Variants in IFT140 observed in about 807,000 individuals in gnomAD.
The protein encoded by IFT140 is intraflagellar transport 140.
A neutral mutation model predicts 164.6 loss-of-function variants in IFT140; 133 were observed. The ratio of observed to expected loss-of-function variants is 0.81; its 90% CI spans 0.70 to 0.93. The LOEUF (loss-of-function observed/expected upper bound fraction) is 0.93. IFT140 is among the 40% of genes least tolerant of loss of function. IFT140 has a pLI of 0.00. For missense variants in IFT140, 2,045 were observed against 1,972.3 expected (o/e 1.04, Z -0.70); for synonymous variants, 860 against 817.3 (o/e 1.05, Z -0.89).
intron 18 of IFT140, among the ~76,000 whole-genome samples, chr16:1,561,303 C>T (rs1332534828): frequency 6.6e-6 from 1 of 152,230 alleles, no homozygotes; most frequent in Non-Finnish European, 1.5e-5. Context: ...ATGACTGTTT[C>T]AGGTCCAAAA....
chr16:1,551,119 G>A lies in IFT140; in HGVS notation c.2399+6816C>T, dbSNP rs565904603. On this transcript the variant is annotated intron_variant, in intron 19 of 30. Coordinates refer to ENST00000426508, the MANE Select transcript of IFT140 (RefSeq NM_014714.4). This position sits in a 1 kb window ranked among gnomAD's most constrained non-coding sequence, Gnocchi z 4.0. ...CACACTGCATTCTGTTCTGTTTCAC[G>A]TCTACTTTGGTCTCCTCAAACGATT... 3.5e-4 allele frequency among the ~76,000 whole-genome samples: 54 copies of A among 152,326 alleles called. No individual in the cohort carries two copies. Among genetic ancestry groups the A allele is most frequent in the Non-Finnish European group, 6.3e-4 (43 of 68,030 alleles).
In IFT140 at chr16:1,520,274, T is replaced by A. The variant is rs754378130; in HGVS notation, c.3730A>T (p.Lys1244Ter). 1 of 1,614,244 alleles carries A rather than the reference T, an allele frequency of 6.2e-7. No homozygotes were observed. The highest frequency in any genetic ancestry group is 1.3e-5 in the African/African-American group (1 of 75,068). ...ITFFASVSRQ[K>*]EIYIMAANYL... ...TTAGCAGCCATGATGTAGATTTCCT[T>A]CTGCCTGGACACGCTCGCGAAGAAC... Residue 1244 changes from lysine to a stop codon, truncating the protein, a stop_gained, in exon 28 of 31, where the codon AAG (lysine) becomes TAG (stop). Transcript: ENST00000426508. LOFTEE classifies it high-confidence loss of function.
chr16:1,599,263 A>G (rs2035634656), intron 4 of IFT140, among the ~76,000 whole-genome samples: 1 of 78,388 alleles, frequency 1.3e-5, no homozygotes, highest in African/African-American at 7.9e-5. Context: ...CCCAGCAGCC[A>G]CCCCATCTGG....
intron 19 of IFT140, among the ~76,000 whole-genome samples, chr16:1,548,510 G>A (rs1042023337): frequency 4.6e-5 from 7 of 152,238 alleles, no homozygotes; most frequent in Admixed American, 4.6e-4. Flanking sequence ...TGATTCCATG[G>A]GCAGAATTTC....
chr16:1,610,415 A>T (rs949766059), intron 2 of IFT140: 2 of 153,366 alleles, frequency 1.3e-5, no homozygotes, highest in African/African-American at 4.9e-5. Context: ...TCTCCCAGCT[A>T]CCGGAATCAG....
intron 26 of IFT140, among the ~76,000 whole-genome samples, chr16:1,521,445 G>C (rs1163822830): frequency 6.6e-6 from 1 of 152,038 alleles, no homozygotes; most frequent in Non-Finnish European, 1.5e-5. Flanking sequence ...CTGGAGTGCA[G>C]TGGCACAATC....
Position 1,523,564 on chromosome 16 carries a change from T to A in IFT140, c.3407A>T (p.His1136Leu). The A allele has an allele frequency of 6.2e-7, 1 of 1,613,580 alleles. No homozygotes were observed. The highest frequency in any genetic ancestry group is 8.5e-7 in the Non-Finnish European group (1 of 1,179,956). Residue 1136 changes from histidine (H) to leucine (L), a missense_variant, in exon 26 of 31, where the codon CAC becomes CTC. His to Leu is a moderately conservative substitution (Grantham distance 99). Transcript: ENST00000426508. Reference sequence around the variant, plus strand: ...CTCTACCGCCCTCTCGTACTGACTGTGCTCGATGAAGAAGTCGGAGCAGCG... The same window carrying A: ...CTCTACCGCCCTCTCGTACTGACTGAGCTCGATGAAGAAGTCGGAGCAGCG... ...LARCSDFFIE[H>L]SQYERAVELL...
At chr16:1,584,168 G>A (rs1198356292) in intron 11 of IFT140, 49 bp downstream of exon 11, 1 of 1,545,108 alleles carries the variant, frequency 6.5e-7, no homozygotes, top group Admixed American at 1.8e-5. Context: ...CCTGGCCATG[G>A]GGCAGTTCTT....
At chr16:1,512,630 A>T (rs1354083802) in intron 30 of IFT140, among the ~76,000 whole-genome samples, 2 of 152,142 alleles carry the variant, frequency 1.3e-5, no homozygotes, top group African/African-American at 4.8e-5. Flanking sequence ...TTATACGGAA[A>T]ACTATAGTTC....
intron 19 of IFT140, among the ~76,000 whole-genome samples, chr16:1,550,367 G>A (rs1173658878): frequency 1.3e-5 from 2 of 152,184 alleles, no homozygotes; most frequent in East Asian, 1.9e-4. Context: ...TAGAATGGTC[G>A]ACCCATTCTA....
intron 19 of IFT140, among the ~76,000 whole-genome samples, chr16:1,536,392 C>A (rs914718547): frequency 1.1e-4 from 17 of 152,320 alleles, no homozygotes; most frequent in African/African-American, 3.1e-4. Context: ...CTGCCTCCTG[C>A]TCACCTGCCT....
In IFT140 at chr16:1,580,781, C is replaced by T. The variant is rs770643403; in HGVS notation, c.1502G>A (p.Arg501Gln). Reference sequence around the variant, plus strand: ...TACCTGCCAGGTTCGAACTTGAACTCGGTTTGACTCCACCGTGTAAACGTT... The same window carrying T: ...TACCTGCCAGGTTCGAACTTGAACTTGGTTTGACTCCACCGTGTAAACGTT... ...EENVYTVESN[R>Q]VQVRTWQGTV... Residue 501 changes from arginine (R) to glutamine (Q), a missense_variant, in exon 13 of 31, where the codon CGA becomes CAA. Arg to Gln is a conservative substitution (Grantham distance 43). Coordinates refer to ENST00000426508, the MANE Select transcript of IFT140 (RefSeq NM_014714.4). 24 of 1,613,716 alleles carry T rather than the reference C, an allele frequency of 1.5e-5. No individual in the cohort carries two copies. The highest frequency in any genetic ancestry group is 2.2e-5 in the East Asian group (1 of 44,884).
At chr16:1,514,929 A>T (rs1210996357) in intron 30 of IFT140, among the ~76,000 whole-genome samples, 1 of 152,190 alleles carries the variant, frequency 6.6e-6, no homozygotes, top group African/African-American at 2.4e-5. Flanking sequence ...TAAATAATAA[A>T]AAGAACTAAG....
rs762973022 is a variant in IFT140 at position 1,558,113 on chromosome 16, C to T, written c.2221G>A (p.Asp741Asn). Residue 741 changes from aspartate (D) to asparagine (N), a missense_variant, in exon 19 of 31, where the codon GAC (aspartate) becomes AAC (asparagine). Physicochemically the swap from Asp to Asn is conservative, Grantham distance 23 (BLOSUM62 1). Coordinates refer to ENST00000426508, the MANE Select transcript of IFT140 (RefSeq NM_014714.4). ...TGGTGGCACCCAGGCTCCACCTCGTCTTCTCTGTCTGCTTCTTCGGGCTAA... is the reference window on the plus strand; with the variant it reads ...TGGTGGCACCCAGGCTCCACCTCGTTTTCTCTGTCTGCTTCTTCGGGCTAA... Reference protein sequence around the residue: ...TRKPEEADREDEVEPGCHHIP... With the variant: ...TRKPEEADRENEVEPGCHHIP... 23 of 1,614,066 alleles carry T rather than the reference C, an allele frequency of 1.4e-5. No homozygotes were observed. The highest frequency in any genetic ancestry group is 1.9e-5 in the Non-Finnish European group (22 of 1,180,034).
intron 19 of IFT140, chr16:1,542,218 C>A: frequency 1.1e-6 from 1 of 899,696 alleles, no homozygotes; most frequent in Non-Finnish European, 1.6e-6. Flanking sequence ...ACTGAGAAGC[C>A]CCATGGGGCA....
intron 10 of IFT140, among the ~76,000 whole-genome samples, chr16:1,585,557 C>T (rs939251867): frequency 6.6e-6 from 1 of 152,062 alleles, no homozygotes; most frequent in African/African-American, 2.4e-5. Flanking sequence ...CTCAGTAAAG[C>T]TCTTTTTCAT....
rs869165237 is a variant in IFT140, at chr16:1,516,139, CAAAAAAAAAAAAAAAAAAAAA to C, written c.4182+2056_4182+2076del. Among the ~76,000 whole-genome samples, 112 of 46,022 alleles carry C rather than the reference CAAAAAAAAAAAAAAAAAAAAA, an allele frequency of 2.4e-3. 1 individual carries two copies. The highest frequency in any genetic ancestry group is 0.016 in the Middle Eastern group (1 of 64). The allele number at this position is 46,022 out of a possible 152,430, so 30.2% of individuals were successfully genotyped here. On this transcript the variant is annotated intron_variant, in intron 30 of 30. Coordinates refer to ENST00000426508, the MANE Select transcript of IFT140 (RefSeq NM_014714.4). ...GGCTACAAAGAGCAAAACTCTGTCT[CAAAAAAAAAAAAAAAAAAAAA>C]AAAAAAAAAAAAAAAAAACACCAGA...
chr16:1,601,123 G>C (rs183267043), intron 4 of IFT140, among the ~76,000 whole-genome samples: 1 of 152,158 alleles, frequency 6.6e-6, no homozygotes, highest in East Asian at 1.9e-4. Context: ...AATTAGCTGG[G>C]CATGGTGGTG....
chr16:1,603,838 G>A (rs984435431), intron 3 of IFT140, among the ~76,000 whole-genome samples: 13 of 152,150 alleles, frequency 8.5e-5, no homozygotes, highest in Non-Finnish European at 5.9e-5. Flanking sequence ...ATATAAGTGC[G>A]TTTTCAGAGA....
Sources: allele counts gnomAD v4.1 joint callset (sites outside exome capture counted in the v4.1 genomes callset), GRCh38; gene constraint gnomAD v4.1.1; non-coding constraint Gnocchi (gnomAD v3.1); transcripts MANE v1.5; gene names NCBI Gene and HGNC (gene_info 2026-07-23, HGNC 2026-07-21).